ZUP1: variants seen among roughly 807,000 people sequenced by gnomAD.
The protein encoded by ZUP1 is zinc finger-containing ubiquitin peptidase 1.
In ZUP1, 55 loss-of-function variants were observed where a neutral mutation model predicts 68.1. The ratio of observed to expected loss-of-function variants is 0.81; its 90% confidence interval spans 0.65 to 1.01. ZUP1 has a LOEUF of 1.01. Ranked by LOEUF, ZUP1 falls within the 50% of genes least tolerant of loss-of-function variation. ZUP1 has a pLI of 0.00. For synonymous variants in ZUP1, 223 were observed against 221.5 expected, an observed-to-expected ratio of 1.01 and a Z score of -0.06; for missense variants, 684 against 674.9, an observed-to-expected ratio of 1.01 and a Z score of -0.15.
At position 116,656,761 on chromosome 6, in the gene ZUP1, G is replaced by T; in HGVS notation, c.884C>A (p.Ser295Tyr). 1 of 1,612,658 alleles carries T rather than the reference G, an allele frequency of 6.2e-7. No individual in the cohort carries two copies. Among genetic ancestry groups the T allele is most frequent in the South Asian group, 1.1e-5 (1 of 90,882 alleles). ...ATCAGCTTTTCTCCTATGAAATTCA[G>T]ATGGAGGCATTCTTCCCCTATTTAC... ...IEVNRGRMPP[S>Y]EFHRRKADMM... is the part of the protein sequence containing the mutation. Residue 295 changes from serine (S) to tyrosine (Y), a missense_variant, in exon 5 of 10, where the codon TCT (serine) becomes TAT (tyrosine). Transcript: ENST00000368576.
At chr6:116,638,382 CT>C (rs771441446) in intron 9 of ZUP1, among the ~76,000 whole-genome samples, 44 of 152,256 alleles carry the variant, frequency 2.9e-4, no homozygotes, top group African/African-American at 5.8e-4. Context: ...ACGTTCCCCC[CT>C]GATGGTGTAG....
At chr6:116,665,395 A>G (rs1342757394) in intron 2 of ZUP1, among the ~76,000 whole-genome samples, 1 of 152,104 alleles carries the variant, frequency 6.6e-6, no homozygotes, top group African/African-American at 2.4e-5. Context: ...GACACACCAA[A>G]AGCATGATCC....
Position 116,647,260 on chromosome 6 carries a change from G to A in ZUP1, c.1468+199C>T, listed in dbSNP as rs1396490465. On this transcript the variant is annotated intron_variant, in intron 8 of 9. Transcript: ENST00000368576. ...TGTAATCCCAGCTACTCAGGAGGCT[G>A]AGGCAGGAGAATCACTTGAACCTGG... 3.9e-5 allele frequency among the ~76,000 whole-genome samples: 6 copies of A among 152,266 alleles called. No individual in the cohort carries two copies. In the East Asian group the frequency reaches 1.2e-3, roughly 29 times the overall value.
At chr6:116,643,512 A>G (rs1776189657) in intron 9 of ZUP1, among the ~76,000 whole-genome samples, 1 of 152,230 alleles carries the variant, frequency 6.6e-6, no homozygotes, top group Non-Finnish European at 1.5e-5. Context: ...GGAACAGATC[A>G]GAGCCCTCAG....
At position 116,652,078 on chromosome 6, in the gene ZUP1, C is replaced by T; in HGVS notation, c.1076G>A (p.Gly359Asp). ...FHSSLGDKGW[G>D]CGYRNFQMLL... ...CATTTGGAAATTTCTGTAACCACAA[C>T]CCCAACCTTTGTCGCCTAAAGATGA... The change falls in exon 6 of 10, where the codon GGT becomes GAT. Residue 359 changes from glycine (G) to aspartate (D), a missense_variant. Physicochemically the swap from Gly to Asp is moderately conservative, Grantham distance 94 (BLOSUM62 -1). Coordinates refer to ENST00000368576, the MANE Select transcript of ZUP1 (RefSeq NM_145062.3). The T allele has an allele frequency of 6.2e-7, 1 of 1,613,966 alleles. No homozygotes were observed. Among genetic ancestry groups the T allele is most frequent in the Non-Finnish European group, 8.5e-7 (1 of 1,179,892 alleles).
intron 9 of ZUP1, among the ~76,000 whole-genome samples, chr6:116,645,259 A>G (rs1232369419): frequency 6.6e-6 from 1 of 152,154 alleles, no homozygotes; most frequent in Non-Finnish European, 1.5e-5. Flanking sequence ...GGCTTTTCCA[A>G]GTTAATGAAA....
chr6:116,636,301 T>A (rs1251255972), intron 9 of ZUP1, among the ~76,000 whole-genome samples: 1 of 152,132 alleles, frequency 6.6e-6, no homozygotes, highest in Non-Finnish European at 1.5e-5. Context: ...TTTGTGCTAT[T>A]TTCACAACCT....
intron 3 of ZUP1, chr6:116,660,125 G>C (rs2114279101): frequency 6.6e-6 from 1 of 152,316 alleles, no homozygotes; most frequent in Non-Finnish European, 1.5e-5. Flanking sequence ...CTCATATTTG[G>C]CTTAGGGTGA....
intron 9 of ZUP1, among the ~76,000 whole-genome samples, chr6:116,640,756 G>A (rs1434950172): frequency 7.2e-5 from 11 of 151,752 alleles, no homozygotes; most frequent in Middle Eastern, 3.4e-3. Flanking sequence ...AAAGACCATC[G>A]AGACTAGGAA....
At chr6:116,661,057 T>C (rs1264220775) in intron 2 of ZUP1, among the ~76,000 whole-genome samples, 1 of 151,986 alleles carries the variant, frequency 6.6e-6, no homozygotes, top group Non-Finnish European at 1.5e-5. Context: ...TTTTTTTTTT[T>C]TAGAGATGAG....
At position 116,648,389 on chromosome 6, in the gene ZUP1, G is replaced by A. The variant is rs1289314637; in HGVS notation, c.1317-779C>T. On this transcript the variant is annotated intron_variant, in intron 7 of 9. Coordinates refer to ENST00000368576, the MANE Select transcript of ZUP1 (RefSeq NM_145062.3). ...TGGCAATAAAATCTCTAAAACATCC[G>A]AATTGCTAACCTCAGCCTCAGCAAA... Among the ~76,000 whole-genome samples, 4 of 152,120 alleles carry A rather than the reference G, an allele frequency of 2.6e-5. No homozygotes were observed. The East Asian group carries it at 5.8e-4, about 22-fold the overall frequency.
At chr6:116,666,286 C>A (rs1033179929) in intron 2 of ZUP1, among the ~76,000 whole-genome samples, 17 of 152,134 alleles carry the variant, frequency 1.1e-4, no homozygotes, top group Non-Finnish European at 2.2e-4. Context: ...AGTTTGTTCT[C>A]CAATCATAAC....
intron 9 of ZUP1, among the ~76,000 whole-genome samples, chr6:116,642,477 C>G (rs1282910591): frequency 4.6e-5 from 7 of 151,968 alleles, no homozygotes; most frequent in Non-Finnish European, 7.4e-5. Context: ...ACATCAAAAA[C>G]CTTATCCACC....
chr6:116,652,135 ACCCGTC>A lies in ZUP1; in HGVS notation c.1013_1018del (p.Arg338_Val340delinsMet). ...GTGATCCACCACTGAAGAAAGCCAC[ACCCGTC>A]TCACATCTGTGGCAGCATTCTGATA... On this transcript the variant is annotated inframe_deletion, in exon 6 of 10. Transcript: ENST00000368576. The A allele has an allele frequency of 6.2e-7, 1 of 1,614,018 alleles. No homozygotes were observed. The highest frequency in any genetic ancestry group is 1.3e-5 in the African/African-American group (1 of 75,060).
In ZUP1 at chr6:116,645,725, C is replaced by G. The variant is rs1401465716; in HGVS notation, c.1678G>C (p.Glu560Gln). Residue 560 changes from glutamate to glutamine, a missense_variant, in exon 9 of 10, where the codon GAG becomes CAG. By Grantham distance (29) the Glu-to-Gln change is conservative. Coordinates refer to ENST00000368576, the MANE Select transcript of ZUP1 (RefSeq NM_145062.3). ...ATTTAGATACTTACAAGTTTCTCCT[C>G]TAGAGAAAGAGCACCCTCTACTGCC... ...ILAVEGALSL[E>Q]EKLARRQASQ... 1 of 1,608,590 alleles carries G rather than the reference C, an allele frequency of 6.2e-7. No individual in the cohort carries two copies. The highest frequency in any genetic ancestry group is 8.5e-7 in the Non-Finnish European group (1 of 1,178,022).
intron 2 of ZUP1, among the ~76,000 whole-genome samples, chr6:116,661,480 A>C (rs184324177): frequency 2.4e-3 from 367 of 152,346 alleles, no homozygotes; most frequent in Non-Finnish European, 3.7e-3. Flanking sequence ...TCAGCACCCA[A>C]CAGAGTGGTA....
Position 116,651,608 on chromosome 6 carries a change from C to T in ZUP1, c.1280G>A (p.Cys427Tyr). 1 of 1,613,766 alleles carries T rather than the reference C, an allele frequency of 6.2e-7. No individual in the cohort carries two copies. Residue 427 changes from cysteine to tyrosine, a missense_variant, in exon 7 of 10, where the codon TGT (cysteine) becomes TAT (tyrosine). Transcript: ENST00000368576. ...GGAGGTCAGGAGTATATATACTTCA[C>T]ATGCTCCAATCCAGGCCTTTGTTCC... Reference protein sequence around the residue: ...LQGTKAWIGACEVYILLTSLR... With the variant: ...LQGTKAWIGAYEVYILLTSLR...
chr6:116,646,017 ATATG>A, intron 8 of ZUP1, 83 bp from the exon 9 acceptor site: 1 of 955,244 alleles, frequency 1.0e-6, no homozygotes. Context: ...TTGTGTGATC[ATATG>A]TGTGTTTAGA....
intron 9 of ZUP1, among the ~76,000 whole-genome samples, chr6:116,643,359 A>C (rs1776184527): frequency 6.6e-6 from 1 of 152,118 alleles, no homozygotes; most frequent in South Asian, 2.1e-4. Flanking sequence ...TATGGAACCA[A>C]AAAAGAGCCC....
Sources: allele counts gnomAD v4.1 joint callset (sites outside exome capture counted in the v4.1 genomes callset), GRCh38; gene constraint gnomAD v4.1.1; transcripts MANE v1.5; gene names NCBI Gene and HGNC (gene_info 2026-07-23, HGNC 2026-07-21).